MYO1G: variants seen among roughly 807,000 people sequenced by gnomAD.
MYO1G encodes myosin IG.
MYO1G carries 65 observed loss-of-function variants against 115.3 expected under a neutral mutation model. The observed-to-expected ratio is 0.56, with a 90% CI of 0.46 to 0.69. The LOEUF (loss-of-function observed/expected upper bound fraction) is 0.69. Among genes scored for constraint, MYO1G ranks in the 30% least tolerant of loss-of-function variants. MYO1G has a pLI of 0.00. For synonymous variants in MYO1G, 510 were observed against 552.6 expected, an observed-to-expected ratio of 0.92 and a Z score of 1.08; for missense variants, 1,204 against 1,393.5, an observed-to-expected ratio of 0.86 and a Z score of 2.16.
chr7:44,970,765 G>A (rs1319968936), intron 8 of MYO1G, 28 bp from the exon 9 acceptor site: 2 of 1,613,374 alleles, frequency 1.2e-6, no homozygotes, highest in East Asian at 4.5e-5. Context: ...CCTGCTTCCT[G>A]CTGCCTCTGG....
At chr7:44,975,415 A>G in intron 4 of MYO1G, 69 bp downstream of exon 4, 2 of 1,558,302 alleles carry the variant, frequency 1.3e-6, no homozygotes, top group Non-Finnish European at 1.8e-6. Flanking sequence ...CGGGATGGGT[A>G]CCTTCCCAGG....
chr7:44,962,711 G>C lies in MYO1G; in HGVS notation c.*28C>G. 2.1e-6 allele frequency: 3 copies of C among 1,454,796 alleles called. No homozygotes were observed. The highest frequency in any genetic ancestry group is 1.8e-6 in the Non-Finnish European group (2 of 1,112,904). 90.1% of individuals were successfully genotyped at this position (1,454,796 alleles called of 1,614,324 possible). A position where few individuals can be genotyped will look rare whatever the true frequency, so the allele number is the denominator to read the frequency against. On this transcript the variant is annotated 3_prime_UTR_variant, in exon 22 of 22. Coordinates refer to ENST00000258787, the MANE Select transcript of MYO1G (RefSeq NM_033054.3). This position sits in a 1 kb window ranked among gnomAD's most constrained non-coding sequence, Gnocchi z 5.3. Reference sequence around the variant, plus strand: ...AGCGCTGGCGGGGCGGACAATTGGCGGCCTCGGGGTGCGGCGGGTGCGGGC... The same window carrying C: ...AGCGCTGGCGGGGCGGACAATTGGCCGCCTCGGGGTGCGGCGGGTGCGGGC...
At position 44,967,895 on chromosome 7, in the gene MYO1G, C is replaced by T; in HGVS notation, c.1638G>A (p.Leu546=). ...CAAGCCGTGCTCACCTGTTGTACAG[C>T]AGCCGCTTGAAGTCCTGGAAGAGGA... The part of the protein sequence containing the change: ...RDFLFQDFKR[L]LYNSTDPTLR... The change falls in exon 13 of 22, where the codon CTG becomes CTA. Residue 546 remains leucine, a synonymous_variant. Coordinates refer to ENST00000258787, the MANE Select transcript of MYO1G (RefSeq NM_033054.3). 1 of 1,614,070 alleles carries T rather than the reference C, an allele frequency of 6.2e-7. No homozygotes were observed.
chr7:44,977,106 G>A (rs1390395645), intron 1 of MYO1G, 35 bp from the exon 2 acceptor site: 2 of 1,599,502 alleles, frequency 1.3e-6, no homozygotes, highest in African/African-American at 1.3e-5. Context: ...AGCACTCACA[G>A]GCTTACAGGC....
rs1361872538 is a variant in MYO1G at position 44,971,675 on chromosome 7, G to C, written c.844C>G (p.Leu282Val). Residue 282 changes from leucine (L) to valine (V), a missense_variant and splice_region_variant, in exon 7 of 22, where the codon CTG becomes GTG. Leu to Val is a conservative substitution (Grantham distance 32). Coordinates refer to ENST00000258787, the MANE Select transcript of MYO1G (RefSeq NM_033054.3). ...CCAGGCTTCTGAGCCAGGCTCACCA[G>C]GTGCAATATGGCAGCCAGGATGCGA... ...VHRILAAILH[L>V]GNIEFVETEE... 7 of 1,556,982 alleles carry C rather than the reference G, an allele frequency of 4.5e-6. No homozygotes were observed. Among genetic ancestry groups the C allele is most frequent in the Non-Finnish European group, 5.2e-6 (6 of 1,149,452 alleles).
In MYO1G at chr7:44,969,202, GCCATGGTTAA is replaced by G; in HGVS notation, c.1574+201_1574+210del. On this transcript the variant is annotated intron_variant, in intron 12 of 21. Transcript: ENST00000258787. This position sits in a 1 kb window ranked among gnomAD's most constrained non-coding sequence, Gnocchi z 5.0. The stretch of plus-strand genomic sequence containing the variant: ...TTTTAAAGGCTCCCAGAAGAATGCA[GCCATGGTTAA>G]CCACTATCCTCAAACCCTGTTTCCT... The G allele has an allele frequency of 1.7e-6, 1 of 576,014 alleles. No homozygotes were observed. Among genetic ancestry groups the G allele is most frequent in the Non-Finnish European group, 3.1e-6 (1 of 318,026 alleles). The allele number at this position is 576,014 out of a possible 1,614,324, so 35.7% of individuals were successfully genotyped here.
chr7:44,971,226 A>G (rs1794952791), intron 7 of MYO1G, among the ~76,000 whole-genome samples, 167 bp from the exon 8 acceptor site: 1 of 152,144 alleles, frequency 6.6e-6, no homozygotes, highest in Non-Finnish European at 1.5e-5. Context: ...ACACAGCCAG[A>G]GACTGGGGGA....
At chr7:44,970,180 G>T in intron 9 of MYO1G, 26 bp from the exon 10 acceptor site, 1 of 1,506,214 alleles carries the variant, frequency 6.6e-7, no homozygotes, top group South Asian at 1.1e-5. Flanking sequence ...GCCTTTCAGA[G>T]GGGAGGTCGC....
In MYO1G at chr7:44,970,623, T is replaced by C. The variant is rs376644026; in HGVS notation, c.1186A>G (p.Ile396Val). 1 of 1,613,574 alleles carries C rather than the reference T, an allele frequency of 6.2e-7. No homozygotes were observed. The highest frequency in any genetic ancestry group is 8.5e-7 in the Non-Finnish European group (1 of 1,180,036). The change falls in exon 9 of 22, where the codon ATC (isoleucine) becomes GTC (valine). Residue 396 changes from isoleucine (I) to valine (V), a missense_variant. Coordinates refer to ENST00000258787, the MANE Select transcript of MYO1G (RefSeq NM_033054.3). ...GKDTVIGVLDIYGFEVFPVNS... is the reference protein window; with the variant it reads ...GKDTVIGVLDVYGFEVFPVNS... Reference sequence around the variant, plus strand: ...ACGGGAAACACCTCGAAGCCATAGATGTCCAGCACGCCAATGACTGTGTCC... The same window carrying C: ...ACGGGAAACACCTCGAAGCCATAGACGTCCAGCACGCCAATGACTGTGTCC...
chr7:44,968,813 C>CGCT, intron 12 of MYO1G: 1 of 150,884 alleles, frequency 6.6e-6, no homozygotes, highest in Admixed American at 6.6e-5. Context: ...GTAGATTTTG[C>CGCT]GAACAGATAA....
chr7:44,972,312 C>T (rs1003798520), intron 5 of MYO1G, 87 bp from the exon 6 acceptor site: 17 of 991,000 alleles, frequency 1.7e-5, no homozygotes, highest in Admixed American at 5.3e-5. Flanking sequence ...AACAGACTTG[C>T]GCTTCCTTCC....
chr7:44,962,820 G>C lies in MYO1G; in HGVS notation c.2976C>G (p.Ser992=), dbSNP rs748319849. ...LSHRGVRRLI[S]VEPRPEQPEP... is the part of the protein sequence containing the mutation. ...CTGGCTGCTCCGGCCTGGGCTCCAC[G>C]GAGATGAGGCGCCGGACCCCGCGAT... The change falls in exon 22 of 22, where the codon TCC becomes TCG. Residue 992 remains serine, a synonymous_variant. Coordinates refer to ENST00000258787, the MANE Select transcript of MYO1G (RefSeq NM_033054.3). This position sits in a 1 kb window ranked among gnomAD's most constrained non-coding sequence, Gnocchi z 5.3. The C allele has an allele frequency of 6.6e-7, 1 of 1,521,832 alleles. No homozygotes were observed. The highest frequency in any genetic ancestry group is 8.8e-7 in the Non-Finnish European group (1 of 1,139,904). The allele number at this position is 1,521,832 out of a possible 1,614,324, so 94.3% of individuals were successfully genotyped here. A position where few individuals can be genotyped will look rare whatever the true frequency, so the allele number is the denominator to read the frequency against.
In MYO1G at chr7:44,969,494, A is replaced by C; in HGVS notation, c.1504-11T>G. On this transcript the variant is annotated splice_polypyrimidine_tract_variant and intron_variant, in intron 11 of 21. Coordinates refer to ENST00000258787, the MANE Select transcript of MYO1G (RefSeq NM_033054.3). The surrounding 1 kb of genome is among the most constrained non-coding windows in gnomAD (Gnocchi z 5.0). ...GTCTGTGGGGCAGAGCTATGGGGAC[A>C]GGCTGAGGTCAAGGCACAAAAGGTA... 6.2e-7 allele frequency: 1 copy of C among 1,613,736 alleles called. No homozygotes were observed. Among genetic ancestry groups the C allele is most frequent in the Non-Finnish European group, 8.5e-7 (1 of 1,179,920 alleles).
intron 5 of MYO1G, chr7:44,973,537 G>C (rs569252230): frequency 1.3e-5 from 2 of 152,008 alleles, no homozygotes; most frequent in African/African-American, 4.8e-5. Context: ...GCTCCAAAGA[G>C]CTCCATTTCA....
At chr7:44,977,558 C>T (rs963185617) in intron 1 of MYO1G, among the ~76,000 whole-genome samples, 2 of 152,016 alleles carry the variant, frequency 1.3e-5, no homozygotes, top group Admixed American at 6.5e-5. Context: ...CCCAGCCCCA[C>T]CCAGATGACA....
rs1315629234 is a variant in MYO1G, at chr7:44,963,482, C to G, written c.2746-358G>C. 2 of 269,848 alleles carry G rather than the reference C, an allele frequency of 7.4e-6. No homozygotes were observed. The highest frequency in any genetic ancestry group is 1.4e-5 in the Non-Finnish European group (2 of 143,892). The allele number at this position is 269,848 out of a possible 1,614,324, so 16.7% of individuals were successfully genotyped here. On this transcript the variant is annotated intron_variant, in intron 20 of 21. Coordinates refer to ENST00000258787, the MANE Select transcript of MYO1G (RefSeq NM_033054.3). The surrounding 1 kb of genome is among the most constrained non-coding windows in gnomAD (Gnocchi z 4.1). Reference sequence around the variant, plus strand: ...TTTCACTGCATTTAAACAACCACGCCGGCTTTGGGCTGTGGCATTACACAG... The same window carrying G: ...TTTCACTGCATTTAAACAACCACGCGGGCTTTGGGCTGTGGCATTACACAG...
At chr7:44,977,162 T>A in intron 1 of MYO1G, 91 bp from the exon 2 acceptor site, 1 of 1,246,320 alleles carries the variant, frequency 8.0e-7, no homozygotes, top group Non-Finnish European at 1.1e-6. Context: ...CTGGCCCCAG[T>A]AGGCCAGCGC....
rs374367144 is a variant in MYO1G at position 44,969,688 on chromosome 7, G to A, written c.1503+17C>T. 59 of 1,609,938 alleles carry A rather than the reference G, an allele frequency of 3.7e-5. No homozygotes were observed. The highest frequency in any genetic ancestry group is 4.5e-5 in the Non-Finnish European group (53 of 1,179,554). On this transcript the variant is annotated intron_variant, in intron 11 of 21. Transcript: ENST00000258787. This position sits in a 1 kb window ranked among gnomAD's most constrained non-coding sequence, Gnocchi z 5.0. Reference sequence around the variant, plus strand: ...CCCACCAGCCCACTGTGGTGGCACTGGGACAGCCGGGGGCACCTGGCGGCT... The same window carrying A: ...CCCACCAGCCCACTGTGGTGGCACTAGGACAGCCGGGGGCACCTGGCGGCT...
intron 14 of MYO1G, 65 bp downstream of exon 14, chr7:44,967,540 C>T (rs180953320): frequency 1.9e-6 from 3 of 1,601,752 alleles, no homozygotes; most frequent in Non-Finnish European, 8.5e-7. Context: ...TGGGACCCTA[C>T]TTGGCACCGA....
Sources: allele counts gnomAD v4.1 joint callset (sites outside exome capture counted in the v4.1 genomes callset), GRCh38; gene constraint gnomAD v4.1.1; non-coding constraint Gnocchi (gnomAD v3.1); transcripts MANE v1.5; gene names NCBI Gene and HGNC (gene_info 2026-07-23, HGNC 2026-07-21).